SPG7: variants seen among roughly 807,000 people sequenced by gnomAD.
SPG7 encodes the protein mitochondrial inner membrane m-AAA protease component paraplegin.
A neutral mutation model predicts 81.9 loss-of-function variants in SPG7; 103 were observed. The observed-to-expected ratio is 1.26, with a 90% CI of 1.07 to 1.48. The LOEUF is 1.48. Among genes scored for constraint, SPG7 ranks in the 40% most tolerant of loss-of-function variants. SPG7 has a pLI of 0.00. For synonymous variants in SPG7, 534 were observed against 444.2 expected, an observed-to-expected ratio of 1.20 and a Z score of -2.54; for missense variants, 1,241 against 1,087.3, an observed-to-expected ratio of 1.14 and a Z score of -1.99.
intron 3 of SPG7, 70 bp from the exon 4 acceptor site, chr16:89,523,936 A>G: frequency 1.3e-6 from 2 of 1,594,028 alleles, no homozygotes; most frequent in Non-Finnish European, 1.7e-6. Context: ...TTTCCTGAGG[A>G]AGCTCTGGAT....
intron 3 of SPG7, among the ~76,000 whole-genome samples, chr16:89,515,540 TA>T (rs1221300671): frequency 2.0e-5 from 3 of 150,786 alleles, no homozygotes; most frequent in Non-Finnish European, 4.4e-5. Flanking sequence ...GTGCTGGGAT[TA>T]CAGGTGTGAG....
Position 89,546,642 on chromosome 16 carries a change from C to G in SPG7, c.1450-16C>G, listed in dbSNP as rs376654147. 1.3e-6 allele frequency: 2 copies of G among 1,587,758 alleles called. No homozygotes were observed. The highest frequency in any genetic ancestry group is 1.7e-6 in the Non-Finnish European group (2 of 1,156,214). On this transcript the variant is annotated splice_polypyrimidine_tract_variant and intron_variant, in intron 10 of 16. Coordinates refer to ENST00000645818, the MANE Select transcript of SPG7 (RefSeq NM_003119.4). The stretch of plus-strand genomic sequence containing the variant: ...AGGCTTGAGCCCGACTGTCTTTCCT[C>G]CCCTGGTTCTGGCAGGAGAGGCGGG...
intron 9 of SPG7, chr16:89,537,727 G>T: frequency 1.0e-6 from 1 of 985,402 alleles, no homozygotes; most frequent in Non-Finnish European, 1.2e-6. Context: ...TGTGAGCTTG[G>T]CAGTGCTTGC....
rs531697431 is a variant in SPG7, at chr16:89,540,967, C to G, written c.1325-3681C>G. The G allele has an allele frequency of 1.1e-5, 11 of 985,338 alleles. No individual in the cohort carries two copies. In the South Asian group the frequency reaches 4.2e-4, roughly 38 times the overall value. The allele number at this position is 985,338 out of a possible 1,614,324, so 61.0% of individuals were successfully genotyped here. On this transcript the variant is annotated intron_variant, in intron 9 of 16. Coordinates refer to ENST00000645818, the MANE Select transcript of SPG7 (RefSeq NM_003119.4). ...AGTGTTCTACGCAGAAATAGAAGAG[C>G]TGAAACTGGTGTATCCTTATCACGG... is the stretch of plus-strand genomic sequence containing the variant.
At position 89,554,447 on chromosome 16, in the gene SPG7, G is replaced by A. The variant is rs180846209; in HGVS notation, c.2104-39G>A. 6.5e-4 allele frequency: 942 copies of A among 1,446,096 alleles called. 9 individuals carry two copies. The African/African-American group carries it at 0.011, about 16-fold the overall frequency. 89.6% of individuals were successfully genotyped at this position (1,446,096 alleles called of 1,614,324 possible). A position where few individuals can be genotyped will look rare whatever the true frequency, so the allele number is the denominator to read the frequency against. Reference sequence around the variant, plus strand: ...CTGTGCTTTGGTGCTGGAGCCAGGCGGCCAGCCTTGCCCCTGACACAGTTC... The same window carrying A: ...CTGTGCTTTGGTGCTGGAGCCAGGCAGCCAGCCTTGCCCCTGACACAGTTC... On this transcript the variant is annotated intron_variant, in intron 15 of 16. Coordinates refer to ENST00000645818, the MANE Select transcript of SPG7 (RefSeq NM_003119.4).
intron 11 of SPG7, chr16:89,547,717 A>G: frequency 2.4e-6 from 1 of 408,922 alleles, no homozygotes; most frequent in Non-Finnish European, 4.6e-6. Context: ...GGTTCAACCG[A>G]TTTTCCTGCC....
Position 89,557,528 on chromosome 16 carries a change from AG to A in SPG7, c.*436del. The A allele has an allele frequency of 4.5e-6, 1 of 224,306 alleles. No homozygotes were observed. Among genetic ancestry groups the A allele is most frequent in the South Asian group, 6.0e-5 (1 of 16,546 alleles). The allele number at this position is 224,306 out of a possible 1,614,324, so 13.9% of individuals were successfully genotyped here. ...GGATCGGACATGAAAGGACCCTGTG[AG>A]CCGATTGTCCTATCTCCAGCGGCCC... On this transcript the variant is annotated 3_prime_UTR_variant, in exon 17 of 17. Transcript: ENST00000645818.
intron 9 of SPG7, chr16:89,537,071 C>A: frequency 1.3e-6 from 2 of 1,563,560 alleles, no homozygotes; most frequent in Non-Finnish European, 1.7e-6. Context: ...TTGTTGAGTG[C>A]CAGCTCTAAA....
At position 89,557,089 on chromosome 16, in the gene SPG7, A is replaced by T; in HGVS notation, c.2384A>T (p.Lys795Met). ...GGAGGCGAAGAGCCGACTTGGCCCAAGTAGTTGGGAGGTGTTGGCTGCACG... is the reference window on the plus strand; with the variant it reads ...GGAGGCGAAGAGCCGACTTGGCCCATGTAGTTGGGAGGTGTTGGCTGCACG... ...PLGGEEPTWP[K>M] The change falls in exon 17 of 17, where the codon AAG becomes ATG. Residue 795 changes from lysine (K) to methionine (M), a missense_variant. By Grantham distance (95) the Lys-to-Met change is moderately conservative. Transcript: ENST00000645818. The T allele has an allele frequency of 6.2e-7, 1 of 1,610,940 alleles. No homozygotes were observed. Among genetic ancestry groups the T allele is most frequent in the Non-Finnish European group, 8.5e-7 (1 of 1,179,696 alleles).
chr16:89,525,063 G>C (rs888316167), intron 4 of SPG7, among the ~76,000 whole-genome samples: 1 of 149,862 alleles, frequency 6.7e-6, no homozygotes, highest in Non-Finnish European at 1.5e-5. Flanking sequence ...GGGCTCAGGT[G>C]ATCTACCCAC....
intron 5 of SPG7, 86 bp from the exon 6 acceptor site, chr16:89,529,391 A>G (rs770814028): frequency 2.4e-6 from 2 of 844,244 alleles, no homozygotes; most frequent in Admixed American, 2.0e-5. Flanking sequence ...TCTTGGAAAC[A>G]TTGCCAGCAG....
chr16:89,520,710 GT>G (rs34137719), intron 3 of SPG7: 66,726 of 149,796 alleles, frequency 0.45, 15,169 homozygotes, highest in East Asian at 0.67. Flanking sequence ...GCTACGTTGT[GT>G]TTTTTTTTTC....
At chr16:89,552,564 G>A (rs2058646396) in intron 13 of SPG7, 2 of 273,234 alleles carry the variant, frequency 7.3e-6, no homozygotes, top group Non-Finnish European at 1.5e-5. Context: ...CTGTGGGGGA[G>A]CAGCAGAGGT....
intron 2 of SPG7, among the ~76,000 whole-genome samples, chr16:89,511,912 G>T (rs745858447): frequency 1.3e-5 from 2 of 151,082 alleles, no homozygotes; most frequent in African/African-American, 4.9e-5. Context: ...TGTTGTTGTT[G>T]TTTATTATTA....
At chr16:89,534,497 T>C (rs1194448374) in intron 9 of SPG7, among the ~76,000 whole-genome samples, 1 of 152,238 alleles carries the variant, frequency 6.6e-6, no homozygotes, top group Admixed American at 6.5e-5. Flanking sequence ...TTAATCAGAA[T>C]TCTAGTTACA....
chr16:89,548,646 G>A, intron 12 of SPG7: 2 of 330,674 alleles, frequency 6.0e-6, no homozygotes, highest in South Asian at 4.7e-5. Flanking sequence ...TTTGGTGACG[G>A]GTGACCGGTG....
intron 14 of SPG7, 55 bp from the exon 15 acceptor site, chr16:89,553,739 C>T (rs892869624): frequency 4.4e-6 from 7 of 1,577,124 alleles, no homozygotes; most frequent in South Asian, 2.2e-5. Context: ...TGGGGCCCAG[C>T]ACTGCTCTGC....
At chr16:89,550,468 C>A in intron 12 of SPG7, 26 bp from the exon 13 acceptor site, 1 of 1,558,232 alleles carries the variant, frequency 6.4e-7, no homozygotes, top group South Asian at 1.1e-5. Context: ...CCACCGCGCC[C>A]AACTCATACC....
intron 3 of SPG7, chr16:89,518,017 G>A (rs1472724720): frequency 6.6e-6 from 1 of 152,208 alleles, no homozygotes; most frequent in Non-Finnish European, 1.5e-5. Context: ...ATTGTTTACT[G>A]AGCCAAATAA....
Sources: allele counts gnomAD v4.1 joint callset (sites outside exome capture counted in the v4.1 genomes callset), GRCh38; gene constraint gnomAD v4.1.1; transcripts MANE v1.5; gene names NCBI Gene and HGNC (gene_info 2026-07-23, HGNC 2026-07-21).